The following RYR3 variants were observed in gnomAD, a reference collection of about 807,000 sequenced individuals.
RYR3 encodes the protein brain ryanodine receptor-calcium release channel.
RYR3 carries 207 observed loss-of-function variants against 584.3 expected under a neutral mutation model. That is an observed-to-expected ratio of 0.35 (90% CI 0.32 to 0.40). The LOEUF is 0.40. Ranked by LOEUF, RYR3 falls within the 10% of genes least tolerant of loss-of-function variation. The probability of loss-of-function intolerance (pLI) is 1.00; values close to 1 mark genes in which losing one functional copy is unlikely to be tolerated. For missense variants in RYR3, 5,616 were observed against 6,089.2 expected (o/e 0.92, Z 2.59); for synonymous variants, 2,416 against 2,248.5 (o/e 1.07, Z -2.11).
chr15:33,580,737 G>C (rs543817060), intron 13 of RYR3, among the ~76,000 whole-genome samples: 75 of 152,330 alleles, frequency 4.9e-4, no homozygotes, highest in Middle Eastern at 6.8e-3. Flanking sequence ...AGTGCCAACA[G>C]GCCATGGTTG....
At position 33,390,102 on chromosome 15, in the gene RYR3, A is replaced by T. The variant is rs1344581330; in HGVS notation, c.51+79006A>T. 6.6e-6 allele frequency among the ~76,000 whole-genome samples: 1 copy of T among 152,242 alleles called. No homozygotes were observed. The highest frequency in any genetic ancestry group is 1.5e-5 in the Non-Finnish European group (1 of 68,038). On this transcript the variant is annotated intron_variant, in intron 1 of 103. Transcript: ENST00000634891. This position sits in a 1 kb window ranked among gnomAD's most constrained non-coding sequence, Gnocchi z 4.2. ...TGGTAAATGAAATTTATGTCGCCGGATGAATTGGCTTCACTGCTGGAAATC... is the reference window on the plus strand; with the variant it reads ...TGGTAAATGAAATTTATGTCGCCGGTTGAATTGGCTTCACTGCTGGAAATC...
At chr15:33,473,247 G>T in intron 1 of RYR3, 172 bp from the exon 2 acceptor site, 1 of 802,266 alleles carries the variant, frequency 1.2e-6, no homozygotes, top group Non-Finnish European at 2.2e-6. Context: ...TAGATGCTCC[G>T]TGATGTCCTG....
chr15:33,365,948 G>A (rs547179387), intron 1 of RYR3, among the ~76,000 whole-genome samples: 25 of 152,102 alleles, frequency 1.6e-4, no homozygotes, highest in East Asian at 9.7e-4. Context: ...TGGACTAGAA[G>A]ATTAGTGTTT....
chr15:33,428,286 CAT>C (rs542196461), intron 1 of RYR3, among the ~76,000 whole-genome samples: 9 of 152,240 alleles, frequency 5.9e-5, no homozygotes, highest in Admixed American at 2.6e-4. Context: ...TGATCCTTAA[CAT>C]GTGTACATTC....
chr15:33,808,643 G>A (rs1435430559), intron 70 of RYR3, among the ~76,000 whole-genome samples: 2 of 152,160 alleles, frequency 1.3e-5, no homozygotes, highest in African/African-American at 4.8e-5. Flanking sequence ...CTATAAATGA[G>A]TTTTGCCCTG....
intron 93 of RYR3, chr15:33,847,545 C>T (rs933213321): frequency 6.6e-6 from 1 of 152,130 alleles, no homozygotes; most frequent in Non-Finnish European, 1.5e-5. Flanking sequence ...ATTAACTGTC[C>T]CATGTTTGGA....
At chr15:33,624,982 G>C (rs1339303574) in intron 20 of RYR3, among the ~76,000 whole-genome samples, 1 of 152,062 alleles carries the variant, frequency 6.6e-6, no homozygotes, top group African/African-American at 2.4e-5. Flanking sequence ...ACCTCCTGTG[G>C]CTAATGACTA....
chr15:33,451,210 C>G (rs1282983843), intron 1 of RYR3, among the ~76,000 whole-genome samples: 1 of 152,152 alleles, frequency 6.6e-6, no homozygotes, highest in African/African-American at 2.4e-5. Flanking sequence ...AACAGGCACT[C>G]CATAAATGGT....
intron 86 of RYR3, among the ~76,000 whole-genome samples, chr15:33,832,938 G>T (rs563082131): frequency 6.7e-4 from 102 of 151,330 alleles, no homozygotes; most frequent in Non-Finnish European, 1.2e-3. Context: ...AACCCAGGAG[G>T]CAGAGGTTGG....
At chr15:33,594,311 T>C (rs1008235008) in intron 16 of RYR3, among the ~76,000 whole-genome samples, 3 of 152,220 alleles carry the variant, frequency 2.0e-5, no homozygotes, top group Admixed American at 1.3e-4. Context: ...ATTGTACTTA[T>C]GCAAATAACT....
At chr15:33,432,301 T>TTAAAA (rs1488175059) in intron 1 of RYR3, among the ~76,000 whole-genome samples, 1 of 152,164 alleles carries the variant, frequency 6.6e-6, no homozygotes, top group Non-Finnish European at 1.5e-5. Context: ...AAGAACAGTG[T>TTAAAA]GGTATCTGGG....
At chr15:33,401,626 A>T (rs1018674677) in intron 1 of RYR3, among the ~76,000 whole-genome samples, 1 of 152,226 alleles carries the variant, frequency 6.6e-6, no homozygotes, top group East Asian at 1.9e-4. Context: ...TGTGAACATG[A>T]CAGTGTGATG....
At chr15:33,802,618 G>A (rs1021544439) in intron 69 of RYR3, among the ~76,000 whole-genome samples, 3 of 152,124 alleles carry the variant, frequency 2.0e-5, no homozygotes, top group East Asian at 1.9e-4. Flanking sequence ...CTCTTGCGTC[G>A]GCTCTGCACG....
At chr15:33,647,253 T>C (rs141272274) in intron 29 of RYR3, among the ~76,000 whole-genome samples, 171 bp from the exon 30 acceptor site, 2 of 152,364 alleles carry the variant, frequency 1.3e-5, no homozygotes, top group Non-Finnish European at 2.9e-5. Context: ...TGCCTTGTGT[T>C]AACAGCTTGC....
rs185751767 is a variant in RYR3 at position 33,783,247 on chromosome 15, T to C, written c.9269-2415T>C. 2.7e-4 allele frequency among the ~76,000 whole-genome samples: 41 copies of C among 152,332 alleles called. No homozygotes were observed. The East Asian group carries it at 6.2e-3, about 23-fold the overall frequency. The stretch of plus-strand genomic sequence containing the variant: ...CAGGAATTTGCATTTTCAGCCGGTC[T>C]CCAGGTGATGCTGGTGCTGCTGGTA... On this transcript the variant is annotated intron_variant, in intron 65 of 103. Transcript: ENST00000634891.
At chr15:33,655,780 C>A (rs936509278) in intron 32 of RYR3, among the ~76,000 whole-genome samples, 1 of 152,200 alleles carries the variant, frequency 6.6e-6, no homozygotes, top group Non-Finnish European at 1.5e-5. Context: ...GAGACAGTAA[C>A]GTGTCCTGCC....
intron 103 of RYR3, 37 bp from the exon 104 acceptor site, chr15:33,865,094 G>C: frequency 6.5e-7 from 1 of 1,537,946 alleles, no homozygotes. Context: ...TTTTACTGTG[G>C]TTTAAAAATA....
At position 33,706,674 on chromosome 15, in the gene RYR3, C is replaced by T. The variant is rs553292925; in HGVS notation, c.6484-245C>T. 2.4e-3 allele frequency among the ~76,000 whole-genome samples: 358 copies of T among 152,228 alleles called. 3 individuals carry two copies. The highest frequency in any genetic ancestry group is 4.1e-3 in the Non-Finnish European group (279 of 68,006). On this transcript the variant is annotated intron_variant, in intron 42 of 103. Coordinates refer to ENST00000634891, the MANE Select transcript of RYR3 (RefSeq NM_001036.6). ...TGGGTTGCTTCCACATTTTAGCTTTCAATTATTTGGGGGTATATACCCAGA... is the reference window on the plus strand; with the variant it reads ...TGGGTTGCTTCCACATTTTAGCTTTTAATTATTTGGGGGTATATACCCAGA...
intron 36 of RYR3, among the ~76,000 whole-genome samples, chr15:33,669,059 A>G (rs950799704): frequency 2.0e-5 from 3 of 152,186 alleles, no homozygotes; most frequent in African/African-American, 7.2e-5. Flanking sequence ...GCGTATACCT[A>G]CATAATGTCA....
Sources: allele counts gnomAD v4.1 joint callset (sites outside exome capture counted in the v4.1 genomes callset), GRCh38; gene constraint gnomAD v4.1.1; non-coding constraint Gnocchi (gnomAD v3.1); transcripts MANE v1.5; gene names NCBI Gene and HGNC (gene_info 2026-07-23, HGNC 2026-07-21).